Variants in TTC13 observed in about 807,000 individuals in gnomAD.
The protein encoded by TTC13 is tetratricopeptide repeat protein 13.
TTC13 carries 62 observed loss-of-function variants against 120.0 expected under a neutral mutation model. The observed-to-expected ratio is 0.52, with a 90% CI of 0.42 to 0.64. The LOEUF (loss-of-function observed/expected upper bound fraction) is 0.64. Among genes scored for constraint, TTC13 ranks in the 30% least tolerant of loss-of-function variants. The pLI, the probability that TTC13 is intolerant of heterozygous loss-of-function variation, is 0.00. For synonymous variants in TTC13, 384 were observed against 393.5 expected (o/e 0.98, Z 0.28); for missense variants, 824 against 1,050.2 (o/e 0.78, Z 2.98).
chr1:230,964,658 C>T (rs1676959491), intron 1 of TTC13, among the ~76,000 whole-genome samples: 1 of 152,174 alleles, frequency 6.6e-6, no homozygotes, highest in Non-Finnish European at 1.5e-5. Flanking sequence ...ATTTGAATGC[C>T]ACCTTTATAA....
chr1:230,925,691 C>T (rs2102811338), intron 12 of TTC13, 44 bp from the exon 13 acceptor site: 2 of 1,607,846 alleles, frequency 1.2e-6, no homozygotes, highest in East Asian at 2.2e-5. Flanking sequence ...TTACAACAGA[C>T]ATTTGGTAAT....
intron 15 of TTC13, among the ~76,000 whole-genome samples, chr1:230,922,795 G>A (rs557222624): frequency 6.6e-6 from 1 of 152,180 alleles, no homozygotes; most frequent in Non-Finnish European, 1.5e-5. Context: ...ACACTGCATA[G>A]TAGTTGTCTG....
chr1:230,957,796 G>T (rs1676238394), intron 3 of TTC13, among the ~76,000 whole-genome samples: 1 of 151,656 alleles, frequency 6.6e-6, no homozygotes, highest in South Asian at 2.1e-4. Context: ...CACATTCTTA[G>T]GCCCAAAAAT....
intron 1 of TTC13, among the ~76,000 whole-genome samples, chr1:230,968,873 A>G (rs1677429654): frequency 6.6e-6 from 1 of 152,242 alleles, no homozygotes; most frequent in African/African-American, 2.4e-5. Context: ...TCTAGCATGT[A>G]GTTAAGAAAG....
Position 230,907,039 on chromosome 1 carries a change from AGT to A in TTC13, c.2469-22_2469-21del. The A allele has an allele frequency of 7.6e-7, 1 of 1,316,398 alleles. No individual in the cohort carries two copies. The allele number at this position is 1,316,398 out of a possible 1,614,324, so 81.5% of individuals were successfully genotyped here. On this transcript the variant is annotated intron_variant, in intron 22 of 22. Coordinates refer to ENST00000366661, the MANE Select transcript of TTC13 (RefSeq NM_024525.5). ...GAAATACTGAAAAAGAAAAACACAA[AGT>A]AGCGGCATGAAAATTAACAAAATTT... is the stretch of plus-strand genomic sequence containing the variant.
chr1:230,944,788 T>G lies in TTC13; in HGVS notation c.579+601A>C, dbSNP rs571967227. ...AATAAGACAATAGAAAAAGTTTGCA[T>G]ATAATGTCCTAGACTAAAAATTTGG... On this transcript the variant is annotated intron_variant, in intron 5 of 22. Transcript: ENST00000366661. This position sits in a 1 kb window ranked among gnomAD's most constrained non-coding sequence, Gnocchi z 4.0. 9.2e-5 allele frequency among the ~76,000 whole-genome samples: 14 copies of G among 152,286 alleles called. No individual in the cohort carries two copies. Among genetic ancestry groups the G allele is most frequent in the South Asian group, 4.1e-4 (2 of 4,830 alleles).
chr1:230,933,570 G>A (rs1673764253), intron 9 of TTC13, among the ~76,000 whole-genome samples: 1 of 152,170 alleles, frequency 6.6e-6, no homozygotes. Context: ...GAAGTTAAGA[G>A]AGAATACTGT....
At chr1:230,937,639 T>A (rs1674183254) in intron 8 of TTC13, among the ~76,000 whole-genome samples, 1 of 152,222 alleles carries the variant, frequency 6.6e-6, no homozygotes, top group Non-Finnish European at 1.5e-5. Context: ...AATGTGAGGT[T>A]TATGAAATAG....
intron 18 of TTC13, among the ~76,000 whole-genome samples, chr1:230,915,368 G>GTA (rs1671916480): frequency 6.6e-6 from 1 of 151,956 alleles, no homozygotes. Context: ...GTGTGTGTGT[G>GTA]TGTGTGCACA....
intron 17 of TTC13, among the ~76,000 whole-genome samples, chr1:230,918,429 C>A (rs1672253970): frequency 6.6e-6 from 1 of 152,144 alleles, no homozygotes; most frequent in Non-Finnish European, 1.5e-5. Context: ...AGAAGGCCTG[C>A]CCCAATTTCT....
At chr1:230,910,607 G>A (rs1272612504) in intron 20 of TTC13, among the ~76,000 whole-genome samples, 2 of 152,254 alleles carry the variant, frequency 1.3e-5, no homozygotes, top group Non-Finnish European at 2.9e-5. Flanking sequence ...TCACACGTGA[G>A]CCAGCAGAGC....
intron 3 of TTC13, 109 bp from the exon 4 acceptor site, chr1:230,954,512 G>A: frequency 1.3e-6 from 1 of 795,358 alleles, no homozygotes; most frequent in Non-Finnish European, 2.0e-6. Flanking sequence ...AGCACTGGAA[G>A]CAGTTAAAGA....
chr1:230,921,977 A>T lies in TTC13; in HGVS notation c.1815-473T>A, dbSNP rs373212225. Among the ~76,000 whole-genome samples the T allele has an allele frequency of 7.9e-5, 12 of 151,804 alleles. No individual in the cohort carries two copies. In the East Asian group the frequency reaches 1.7e-3, roughly 22 times the overall value. On this transcript the variant is annotated intron_variant, in intron 15 of 22. Coordinates refer to ENST00000366661, the MANE Select transcript of TTC13 (RefSeq NM_024525.5). The stretch of plus-strand genomic sequence containing the variant: ...ATCCCTTCTGATCTTTTCCTTTTAA[A>T]CTCACTCCCAGAACTCCATGTTCAG...
intron 12 of TTC13, 61 bp downstream of exon 12, chr1:230,928,876 C>A: frequency 6.3e-7 from 1 of 1,581,180 alleles, no homozygotes; most frequent in Non-Finnish European, 8.6e-7. Flanking sequence ...TGCCACCATG[C>A]CCAGCTTATA....
Position 230,943,858 on chromosome 1 carries a change from C to T in TTC13, c.620G>A (p.Arg207Gln), listed in dbSNP as rs1674742807. The change falls in exon 6 of 23, where the codon CGA becomes CAA. Residue 207 changes from arginine to glutamine, a missense_variant. By Grantham distance (43) the Arg-to-Gln change is conservative. This residue lies in a region of TTC13 where 430 missense variants were observed against 626.8 expected (regional missense o/e 0.69). Coordinates refer to ENST00000366661, the MANE Select transcript of TTC13 (RefSeq NM_024525.5). ...ACGATCTGGTTCCAAGGTAATTACT[C>T]GGCTCAGTTCGAACAGAGCAAGCTC... ...NAELALFELS[R>Q]VITLEPDRPE... 6.2e-6 allele frequency: 10 copies of T among 1,611,886 alleles called. No individual in the cohort carries two copies. The highest frequency in any genetic ancestry group is 2.2e-5 in the East Asian group (1 of 44,832).
intron 4 of TTC13, among the ~76,000 whole-genome samples, chr1:230,946,213 A>C (rs1674980817): frequency 6.6e-6 from 1 of 152,236 alleles, no homozygotes; most frequent in African/African-American, 2.4e-5. Flanking sequence ...CTATACAGTT[A>C]AGAAAGAAGA....
intron 11 of TTC13, among the ~76,000 whole-genome samples, chr1:230,930,674 C>T (rs1246760885): frequency 1.3e-5 from 2 of 152,204 alleles, no homozygotes; most frequent in African/African-American, 4.8e-5. Context: ...AATCCCAGCA[C>T]TTTGGGAGGC....
intron 2 of TTC13, among the ~76,000 whole-genome samples, chr1:230,959,467 C>T (rs539399337): frequency 6.6e-5 from 10 of 152,260 alleles, no homozygotes; most frequent in South Asian, 4.1e-4. Flanking sequence ...CCACAACCTC[C>T]GCCGCCTGGG....
chr1:230,938,651 C>A (rs1674291760), intron 8 of TTC13, among the ~76,000 whole-genome samples: 1 of 152,166 alleles, frequency 6.6e-6, no homozygotes. Flanking sequence ...AAGTTTCATG[C>A]CCACTGACCT....
Sources: allele counts gnomAD v4.1 joint callset (sites outside exome capture counted in the v4.1 genomes callset), GRCh38; gene constraint gnomAD v4.1.1; regional missense constraint gnomAD v4.1.1; non-coding constraint Gnocchi (gnomAD v3.1); transcripts MANE v1.5; gene names NCBI Gene and HGNC (gene_info 2026-07-23, HGNC 2026-07-21).